The following MAML3 variants were observed in gnomAD, a reference collection of about 807,000 sequenced individuals.
MAML3 encodes the protein mastermind like transcriptional coactivator 3, also known as mastermind-like protein 3.
MAML3 carries 27 observed loss-of-function variants against 101.9 expected under a neutral mutation model. That is an observed-to-expected ratio of 0.27 (90% CI 0.20 to 0.37). The LOEUF (loss-of-function observed/expected upper bound fraction) is 0.37. Ranked by LOEUF, MAML3 falls within the 10% of genes least tolerant of loss-of-function variation. MAML3 has a pLI of 1.00. For synonymous variants in MAML3, 501 were observed against 555.9 expected (o/e 0.90, Z 1.39); for missense variants, 1,316 against 1,444.9 (o/e 0.91, Z 1.45).
intron 1 of MAML3, among the ~76,000 whole-genome samples, chr4:139,948,830 A>G (rs1456137084): frequency 6.6e-6 from 1 of 152,186 alleles, no homozygotes; most frequent in African/African-American, 2.4e-5. Flanking sequence ...GGTAGAAACT[A>G]TCATCCCCAT....
intron 1 of MAML3, among the ~76,000 whole-genome samples, chr4:140,117,668 T>A (rs1455566156): frequency 6.7e-6 from 1 of 149,064 alleles, no homozygotes; most frequent in Non-Finnish European, 1.5e-5. Flanking sequence ...TATATACACA[T>A]ATATACGTAT....
intron 1 of MAML3, among the ~76,000 whole-genome samples, chr4:139,906,367 AGAG>A (rs1340796001): frequency 1.1e-4 from 16 of 152,266 alleles, no homozygotes; most frequent in African/African-American, 3.6e-4. Flanking sequence ...GCAAAACCTC[AGAG>A]GAGGCAAAAG....
intron 1 of MAML3, among the ~76,000 whole-genome samples, chr4:139,912,861 C>T (rs1732958369): frequency 6.6e-6 from 1 of 152,322 alleles, no homozygotes; most frequent in East Asian, 1.9e-4. Flanking sequence ...TACCTTCGAG[C>T]ATCCAGGACT....
chr4:139,843,630 A>G (rs1731397864), intron 2 of MAML3, among the ~76,000 whole-genome samples: 1 of 152,216 alleles, frequency 6.6e-6, no homozygotes, highest in African/African-American at 2.4e-5. Context: ...TTACCTGTTC[A>G]TAGATGTAGG....
chr4:139,976,592 T>C (rs182816396), intron 1 of MAML3, among the ~76,000 whole-genome samples: 3 of 152,330 alleles, frequency 2.0e-5, no homozygotes, highest in Admixed American at 2.0e-4. Flanking sequence ...TATTTCCTGA[T>C]TGAAGAAATC....
intron 2 of MAML3, among the ~76,000 whole-genome samples, chr4:139,795,692 T>C (rs1730500459): frequency 6.6e-6 from 1 of 152,196 alleles, no homozygotes; most frequent in Admixed American, 6.5e-5. Flanking sequence ...TGCAGTGTCT[T>C]GAAAGCTGCA....
chr4:140,052,268 T>C (rs1727281094), intron 1 of MAML3, among the ~76,000 whole-genome samples: 1 of 152,198 alleles, frequency 6.6e-6, no homozygotes, highest in Non-Finnish European at 1.5e-5. Context: ...ATACTGGCTC[T>C]CCACTGAGAC....
chr4:140,076,922 C>T lies in MAML3; in HGVS notation c.468+75938G>A, dbSNP rs7680657. On this transcript the variant is annotated intron_variant, in intron 1 of 4. Coordinates refer to ENST00000509479, the MANE Select transcript of MAML3 (RefSeq NM_018717.5). ...GCTGTTGTTTTGAAACGGAGTCTCA[C>T]TCTGTTGCCAAGGCTGGAGTGCAGT... 3.6e-3 allele frequency among the ~76,000 whole-genome samples: 545 copies of T among 152,250 alleles called. 6 individuals carry two copies. Among genetic ancestry groups the T allele is most frequent in the African/African-American group, 0.013 (525 of 41,542 alleles).
At chr4:139,888,899 A>G (rs1485565131) in intron 2 of MAML3, among the ~76,000 whole-genome samples, 1 of 152,196 alleles carries the variant, frequency 6.6e-6, no homozygotes, top group East Asian at 1.9e-4. Context: ...CAAATTTCCC[A>G]TTATTCATAA....
Position 139,717,317 on chromosome 4 carries a change from T to TTTA in MAML3, c.*2003_*2005dup, listed in dbSNP as rs1207738243. 1.3e-5 allele frequency: 2 copies of TTTA among 152,656 alleles called. No homozygotes were observed. Among genetic ancestry groups the TTTA allele is most frequent in the African/African-American group, 2.4e-5 (1 of 41,458 alleles). 9.5% of individuals were successfully genotyped at this position (152,656 alleles called of 1,614,324 possible). A position where few individuals can be genotyped will look rare whatever the true frequency, so the allele number is the denominator to read the frequency against. ...CCAGTTTCTCATCATTGCTTATATATTTATTTCCTGTACCTTTCAGGAAAA... is the reference window on the plus strand; with the variant it reads ...CCAGTTTCTCATCATTGCTTATATATTTATTATTTCCTGTACCTTTCAGGAAAA... On this transcript the variant is annotated 3_prime_UTR_variant, in exon 5 of 5. Transcript: ENST00000509479.
intron 2 of MAML3, among the ~76,000 whole-genome samples, chr4:139,865,548 C>T (rs923028403): frequency 6.7e-6 from 1 of 150,170 alleles, no homozygotes; most frequent in Admixed American, 6.6e-5. Flanking sequence ...TTAGGAGTCC[C>T]TATCTTTGTA....
chr4:139,743,201 G>A (rs1227844963), intron 2 of MAML3, among the ~76,000 whole-genome samples: 1 of 152,214 alleles, frequency 6.6e-6, no homozygotes, highest in African/African-American at 2.4e-5. Flanking sequence ...AAGAGCTGCT[G>A]CAACCATTAC....
chr4:139,890,331 C>G lies in MAML3; in HGVS notation c.1105G>C (p.Val369Leu). The change falls in exon 2 of 5, where the codon GTC becomes CTC. Residue 369 changes from valine to leucine, a missense_variant. Physicochemically the swap from Val to Leu is conservative, Grantham distance 32. Coordinates refer to ENST00000509479, the MANE Select transcript of MAML3 (RefSeq NM_018717.5). The surrounding 1 kb of genome is among the most constrained non-coding windows in gnomAD (Gnocchi z 4.1). ...CTCGCCTGGGGAGATCCCATGGAGA[C>G]ATGTGCGAAGGGAGAGTGAGAGGGG... ...SDPSHSPFAH[V>L]SMGSPQARPS... 6.2e-7 allele frequency: 1 copy of G among 1,610,926 alleles called. No individual in the cohort carries two copies. Among genetic ancestry groups the G allele is most frequent in the Non-Finnish European group, 8.5e-7 (1 of 1,178,072 alleles).
At chr4:140,146,748 G>T (rs2111061521) in intron 1 of MAML3, among the ~76,000 whole-genome samples, 1 of 152,154 alleles carries the variant, frequency 6.6e-6, no homozygotes, top group Middle Eastern at 3.4e-3. Flanking sequence ...GGAAAGTAAA[G>T]CATATTATAA....
rs752191023 is a variant in MAML3, at chr4:139,890,786, G to C, written c.650C>G (p.Pro217Arg). The C allele has an allele frequency of 6.8e-6, 11 of 1,614,068 alleles. No individual in the cohort carries two copies. The South Asian group carries it at 1.2e-4, about 18-fold the overall frequency. Residue 217 changes from proline (P) to arginine (R), a missense_variant, in exon 2 of 5, where the codon CCT (proline) becomes CGT (arginine). Pro to Arg is a moderately radical substitution (Grantham distance 103). Coordinates refer to ENST00000509479, the MANE Select transcript of MAML3 (RefSeq NM_018717.5). The surrounding 1 kb of genome is among the most constrained non-coding windows in gnomAD (Gnocchi z 4.1). ...PSNMPLPSAS[P>R]LHQLDLKPSL... ...AGGTTTCAGGTCAAGTTGGTGAAGA[G>C]GAGAAGCTGAAGGCAGTGGCATGTT...
At chr4:139,830,600 G>A (rs1394460771) in intron 2 of MAML3, among the ~76,000 whole-genome samples, 2 of 151,730 alleles carry the variant, frequency 1.3e-5, no homozygotes. Flanking sequence ...ATTTTTAGTA[G>A]AGACGGGGTT....
At chr4:139,995,844 A>T in intron 1 of MAML3, among the ~76,000 whole-genome samples, 1 of 149,488 alleles carries the variant, frequency 6.7e-6, no homozygotes, top group African/African-American at 2.5e-5. Flanking sequence ...TTTGAGTTTC[A>T]TTTGCTTTTT....
intron 1 of MAML3, among the ~76,000 whole-genome samples, chr4:139,907,601 G>A (rs1033505160): frequency 6.6e-6 from 1 of 152,196 alleles, no homozygotes; most frequent in African/African-American, 2.4e-5. Context: ...AAAAGAATTT[G>A]TGACTTTTTG....
intron 1 of MAML3, among the ~76,000 whole-genome samples, chr4:140,091,785 G>A: frequency 6.6e-6 from 1 of 151,916 alleles, no homozygotes. Context: ...GCCCAGAACA[G>A]GGTTCAAATG....
Sources: allele counts gnomAD v4.1 joint callset (sites outside exome capture counted in the v4.1 genomes callset), GRCh38; gene constraint gnomAD v4.1.1; non-coding constraint Gnocchi (gnomAD v3.1); transcripts MANE v1.5; gene names NCBI Gene and HGNC (gene_info 2026-07-23, HGNC 2026-07-21).